The following SRGAP3 variants were observed in gnomAD, a reference collection of about 807,000 sequenced individuals.
SRGAP3 encodes SLIT-ROBO Rho GTPase activating protein 3, also known as SLIT-ROBO Rho GTPase-activating protein 3.
SRGAP3 carries 39 observed loss-of-function variants against 121.1 expected under a neutral mutation model. The observed-to-expected ratio is 0.32, with a 90% CI of 0.25 to 0.42. SRGAP3 has a LOEUF of 0.42. Ranked by LOEUF, SRGAP3 falls within the 10% of genes least tolerant of loss-of-function variation. The probability of loss-of-function intolerance (pLI) is 1.00; values close to 1 mark genes in which losing one functional copy is unlikely to be tolerated. For missense variants in SRGAP3, 1,213 were observed against 1,470.6 expected, an observed-to-expected ratio of 0.82 and a Z score of 2.86; for synonymous variants, 601 against 570.0, an observed-to-expected ratio of 1.05 and a Z score of -0.77.
chr3:9,257,789 C>G (rs1445343008), intron 3 of SRGAP3, among the ~76,000 whole-genome samples: 2 of 134,876 alleles, frequency 1.5e-5, no homozygotes, highest in Non-Finnish European at 3.1e-5. Flanking sequence ...ACTGCAACCT[C>G]TGCCTCCTAG....
intron 4 of SRGAP3, among the ~76,000 whole-genome samples, chr3:9,072,683 C>T (rs571241554): frequency 6.6e-6 from 1 of 152,376 alleles, no homozygotes; most frequent in Admixed American, 6.5e-5. Flanking sequence ...ACACCTTCAT[C>T]CCACAGACGG....
At chr3:9,162,352 AGAT>A (rs1950627193) in intron 1 of SRGAP3, among the ~76,000 whole-genome samples, 1 of 152,192 alleles carries the variant, frequency 6.6e-6, no homozygotes, top group Non-Finnish European at 1.5e-5. Flanking sequence ...GTATATGCAA[AGAT>A]GAAGCAAAAA....
intron 11 of SRGAP3, among the ~76,000 whole-genome samples, chr3:9,033,119 G>A (rs768254435): frequency 6.6e-6 from 1 of 152,202 alleles, no homozygotes; most frequent in Non-Finnish European, 1.5e-5. Flanking sequence ...GCCCGAGAAA[G>A]CAAGAGACTT....
At chr3:9,298,679 C>T (rs1248443265) in intron 3 of SRGAP3, among the ~76,000 whole-genome samples, 5 of 152,140 alleles carry the variant, frequency 3.3e-5, no homozygotes, top group Admixed American at 6.5e-5. Flanking sequence ...CCACCAAGGA[C>T]GGGCTACTCT....
At chr3:9,202,277 T>C (rs1222142030) in intron 1 of SRGAP3, among the ~76,000 whole-genome samples, 1 of 152,158 alleles carries the variant, frequency 6.6e-6, no homozygotes, top group Non-Finnish European at 1.5e-5. Flanking sequence ...GACTCTTCCT[T>C]GATGAAGGAA....
At chr3:9,172,682 C>T (rs1368234564) in intron 1 of SRGAP3, among the ~76,000 whole-genome samples, 1 of 152,162 alleles carries the variant, frequency 6.6e-6, no homozygotes, top group African/African-American at 2.4e-5. Flanking sequence ...CCTTTCTGGC[C>T]CCAGGAGCTG....
In SRGAP3 at chr3:8,983,761, G is replaced by A. The variant is rs1172570183; in HGVS notation, c.*1758C>T. 4.3e-6 allele frequency: 1 copy of A among 230,432 alleles called. No individual in the cohort carries two copies. The highest frequency in any genetic ancestry group is 6.2e-5 in the East Asian group (1 of 16,226). 14.3% of individuals were successfully genotyped at this position (230,432 alleles called of 1,614,324 possible). A position where few individuals can be genotyped will look rare whatever the true frequency, so the allele number is the denominator to read the frequency against. On this transcript the variant is annotated 3_prime_UTR_variant, in exon 22 of 22. Coordinates refer to ENST00000383836, the MANE Select transcript of SRGAP3 (RefSeq NM_014850.4). ...GTACACAGCTTGCTCACTGATGTTT[G>A]ACCTTTATTACCCTATTTTATGGAG... is the stretch of plus-strand genomic sequence containing the variant.
At chr3:9,184,932 C>T (rs1399982383) in intron 1 of SRGAP3, among the ~76,000 whole-genome samples, 1 of 152,176 alleles carries the variant, frequency 6.6e-6, no homozygotes, top group African/African-American at 2.4e-5. Flanking sequence ...CAGCAAGGAT[C>T]CCACCTTGTT....
At chr3:9,114,126 A>G (rs1180214532) in intron 2 of SRGAP3, among the ~76,000 whole-genome samples, 1 of 152,150 alleles carries the variant, frequency 6.6e-6, no homozygotes, top group Non-Finnish European at 1.5e-5. Context: ...TTGAGTCAAG[A>G]GGCTGGGGTT....
intron 3 of SRGAP3, among the ~76,000 whole-genome samples, chr3:9,090,344 C>A (rs992033195): frequency 6.6e-6 from 1 of 151,420 alleles, no homozygotes; most frequent in African/African-American, 2.4e-5. Context: ...CAGCATTGTG[C>A]AGAGCAGTAG....
At chr3:9,303,115 GT>G (rs1275213892) in intron 3 of SRGAP3, among the ~76,000 whole-genome samples, 6 of 151,780 alleles carry the variant, frequency 4.0e-5, no homozygotes, top group Admixed American at 2.6e-4. Flanking sequence ...TTGTTTGTTT[GT>G]TTGTTTTTAA....
At chr3:9,301,621 G>A (rs913962397) in intron 3 of SRGAP3, among the ~76,000 whole-genome samples, 1 of 152,214 alleles carries the variant, frequency 6.6e-6, no homozygotes, top group Non-Finnish European at 1.5e-5. Context: ...GCTCCTTTGG[G>A]AGCCTGTGTT....
At chr3:9,015,481 T>G in intron 15 of SRGAP3, 116 bp downstream of exon 15, 11 of 1,379,234 alleles carry the variant, frequency 8.0e-6, no homozygotes, top group Non-Finnish European at 1.1e-5. Context: ...AGGATGCACG[T>G]CACACTTCGC....
chr3:9,291,373 A>G (rs1337419657), intron 3 of SRGAP3, among the ~76,000 whole-genome samples: 3 of 152,212 alleles, frequency 2.0e-5, no homozygotes, highest in Admixed American at 2.0e-4. Flanking sequence ...AAATCCTGGC[A>G]CAACTGGCAC....
At chr3:9,232,985 T>C (rs969367409) in intron 1 of SRGAP3, among the ~76,000 whole-genome samples, 1 of 152,210 alleles carries the variant, frequency 6.6e-6, no homozygotes, top group African/African-American at 2.4e-5. Flanking sequence ...TGCCCCACCT[T>C]ACTCTCCTTC....
At chr3:9,228,534 G>C (rs1953076455) in intron 1 of SRGAP3, among the ~76,000 whole-genome samples, 1 of 152,186 alleles carries the variant, frequency 6.6e-6, no homozygotes, top group Non-Finnish European at 1.5e-5. Flanking sequence ...AAGCCAGAGA[G>C]GCCTTCCTAA....
chr3:9,292,528 C>G (rs774523916), intron 3 of SRGAP3: 1 of 152,154 alleles, frequency 6.6e-6, no homozygotes, highest in African/African-American at 2.4e-5. Flanking sequence ...TCTCATTTCA[C>G]AAATCCCATG....
intron 3 of SRGAP3, among the ~76,000 whole-genome samples, chr3:9,282,533 C>T (rs933212970): frequency 1.3e-5 from 2 of 152,080 alleles, no homozygotes; most frequent in African/African-American, 4.8e-5. Context: ...CTCTGTCGCC[C>T]AGGCTGGAGT....
At chr3:9,290,157 A>C (rs917403764) in intron 3 of SRGAP3, among the ~76,000 whole-genome samples, 1 of 152,152 alleles carries the variant, frequency 6.6e-6, no homozygotes, top group Non-Finnish European at 1.5e-5. Flanking sequence ...CTATGAAGCA[A>C]ACACAAGCCA....
Sources: gnomAD v4.1 joint callset for allele counts (sites outside exome capture counted in the v4.1 genomes callset) on GRCh38, gnomAD v4.1.1 for gene constraint, MANE v1.5 for transcripts, NCBI Gene and HGNC (gene_info 2026-07-23, HGNC 2026-07-21) for gene names.